The following ARHGEF26 variants were observed in gnomAD, a reference collection of about 807,000 sequenced individuals.
The protein encoded by ARHGEF26 is Rho guanine nucleotide exchange factor 26.
Under a neutral mutation model 89.4 loss-of-function variants are expected in ARHGEF26, and 59 were observed. That is an observed-to-expected ratio of 0.66 (90% CI 0.54 to 0.82). The LOEUF (loss-of-function observed/expected upper bound fraction) is 0.82, where lower values mean the gene tolerates loss of function less well. Among genes scored for constraint, ARHGEF26 ranks in the 40% least tolerant of loss-of-function variants. The pLI, the probability that ARHGEF26 is intolerant of heterozygous loss-of-function variation, is 0.00. For synonymous variants in ARHGEF26, 500 were observed against 428.4 expected, an observed-to-expected ratio of 1.17 and a Z score of -2.06; for missense variants, 1,234 against 1,085.6, an observed-to-expected ratio of 1.14 and a Z score of -1.92.
chr3:154,194,852 C>G (rs12330779), intron 9 of ARHGEF26, 134 bp downstream of exon 9: 3 of 713,682 alleles, frequency 4.2e-6, no homozygotes, highest in African/African-American at 1.8e-5. Context: ...TAGGTAGTTG[C>G]AAAACAAAAT....
At chr3:154,255,015 G>C (rs1718405420) in intron 14 of ARHGEF26, among the ~76,000 whole-genome samples, 191 bp downstream of exon 14, 1 of 152,010 alleles carries the variant, frequency 6.6e-6, no homozygotes, top group Non-Finnish European at 1.5e-5. Flanking sequence ...CAGTCCCTCA[G>C]TGACCCAGTT....
intron 11 of ARHGEF26, among the ~76,000 whole-genome samples, chr3:154,232,073 A>C (rs1716861114): frequency 6.6e-6 from 1 of 152,150 alleles, no homozygotes; most frequent in South Asian, 2.1e-4. Context: ...TACCCACTTA[A>C]GAAGCTGTGC....
rs754682447 is a variant in ARHGEF26, at chr3:154,194,675, C to T, written c.1802C>T (p.Pro601Leu). The T allele has an allele frequency of 5.6e-6, 9 of 1,612,574 alleles. No individual in the cohort carries two copies. Among genetic ancestry groups the T allele is most frequent in the Non-Finnish European group, 5.1e-6 (6 of 1,179,448 alleles). The change falls in exon 9 of 15, where the codon CCG (proline) becomes CTG (leucine). Residue 601 changes from proline to leucine, a missense_variant. Coordinates refer to ENST00000465093, the MANE Select transcript of ARHGEF26 (RefSeq NM_015595.4). Reference protein sequence around the residue: ...TICQKTPKDSPKYEVCKRALK... With the variant: ...TICQKTPKDSLKYEVCKRALK... Reference sequence around the variant, plus strand: ...TGTCAAAAAACACCTAAGGACTCTCCGAAGTATGAAGTCTGCAAAAGAGCC... The same window carrying T: ...TGTCAAAAAACACCTAAGGACTCTCTGAAGTATGAAGTCTGCAAAAGAGCC...
Position 154,152,835 on chromosome 3 carries a change from A to T in ARHGEF26, c.1390A>T (p.Met464Leu). 1 of 1,576,860 alleles carries T rather than the reference A, an allele frequency of 6.3e-7. No homozygotes were observed. Among genetic ancestry groups the T allele is most frequent in the Non-Finnish European group, 8.6e-7 (1 of 1,160,188 alleles). Residue 464 changes from methionine to leucine, a missense_variant, in exon 6 of 15, where the codon ATG becomes TTG. Physicochemically the swap from Met to Leu is conservative, Grantham distance 15. Transcript: ENST00000465093. ...YLLSLEILIR[M>L]FKNSKELSDT... ...ACTCAGCTTGGAGATCTTGATACGA[A>T]TGTTTAAAAATTCTAAAGAACTGAG...
intron 9 of ARHGEF26, among the ~76,000 whole-genome samples, chr3:154,205,769 C>T (rs868348571): frequency 2.6e-5 from 4 of 152,148 alleles, no homozygotes; most frequent in Admixed American, 6.5e-5. Context: ...CTAATAAGAA[C>T]TCTATGCCTT....
At position 154,122,102 on chromosome 3, in the gene ARHGEF26, C is replaced by T; in HGVS notation, c.110C>T (p.Pro37Leu). The change falls in exon 2 of 15, where the codon CCC (proline) becomes CTC (leucine). Residue 37 changes from proline to leucine, a missense_variant. Pro to Leu is a moderately conservative substitution (Grantham distance 98). Transcript: ENST00000465093. ...GTTCTGGGCCGGAGCAAGCCGAGGC[C>T]CCAGTCCTACCAGAGCCCCAACGGG... The part of the protein sequence containing the change: ...HQVLGRSKPR[P>L]QSYQSPNGLL... The T allele has an allele frequency of 1.9e-6, 3 of 1,610,800 alleles. No individual in the cohort carries two copies. The highest frequency in any genetic ancestry group is 1.1e-5 in the South Asian group (1 of 90,468).
Position 154,122,674 on chromosome 3 carries a change from C to T in ARHGEF26, c.682C>T (p.Leu228Phe). The change falls in exon 2 of 15, where the codon CTC becomes TTC. Residue 228 changes from leucine to phenylalanine, a missense_variant. Coordinates refer to ENST00000465093, the MANE Select transcript of ARHGEF26 (RefSeq NM_015595.4). ...GCTGCCCTCCCAGGAGAACGAGCTC[C>T]TCGAGAATCCTTCCGTGGTTTTGAG... ...QRLPSQENEL[L>F]ENPSVVLSTN... The T allele has an allele frequency of 6.2e-7, 1 of 1,613,870 alleles. No homozygotes were observed. The highest frequency in any genetic ancestry group is 1.1e-5 in the South Asian group (1 of 91,058).
chr3:154,255,770 T>C lies in ARHGEF26; in HGVS notation c.*297T>C. 3 of 1,171,100 alleles carry C rather than the reference T, an allele frequency of 2.6e-6. No homozygotes were observed. Among genetic ancestry groups the C allele is most frequent in the Non-Finnish European group, 3.2e-6 (3 of 949,164 alleles). The allele number at this position is 1,171,100 out of a possible 1,614,324, so 72.5% of individuals were successfully genotyped here. On this transcript the variant is annotated 3_prime_UTR_variant, in exon 15 of 15. Coordinates refer to ENST00000465093, the MANE Select transcript of ARHGEF26 (RefSeq NM_015595.4). ...CTCTGCTCCTCCTAGTTTCACCATG[T>C]TCTGGCAATAAAAAACACATATTAT...
intron 4 of ARHGEF26, among the ~76,000 whole-genome samples, chr3:154,134,825 T>A (rs1718907614): frequency 6.6e-6 from 1 of 152,114 alleles, no homozygotes; most frequent in South Asian, 2.1e-4. Context: ...CTTTTCTGCA[T>A]CTATTGAGAT....
chr3:154,157,425 G>T (rs1293972237), intron 6 of ARHGEF26, among the ~76,000 whole-genome samples: 1 of 152,142 alleles, frequency 6.6e-6, no homozygotes, highest in African/African-American at 2.4e-5. Context: ...GCAGATGTTC[G>T]TGAAGGCCAT....
At chr3:154,213,363 A>G (rs1242094305) in intron 9 of ARHGEF26, among the ~76,000 whole-genome samples, 1 of 152,086 alleles carries the variant, frequency 6.6e-6, no homozygotes, top group Non-Finnish European at 1.5e-5. Context: ...ACAGTAATAT[A>G]CTGAGGCTGC....
At chr3:154,253,248 G>A (rs951681273) in intron 13 of ARHGEF26, 65 bp downstream of exon 13, 1 of 1,583,812 alleles carries the variant, frequency 6.3e-7, no homozygotes, top group Non-Finnish European at 8.6e-7. Flanking sequence ...GCTGGACGCC[G>A]GGTTACTAAC....
chr3:154,240,462 A>T lies in ARHGEF26; in HGVS notation c.2183A>T (p.Lys728Met), dbSNP rs535967925. Reference protein sequence around the residue: ...DNEELNSSPGKNSSTMLYSRQ... With the variant: ...DNEELNSSPGMNSSTMLYSRQ... ...GAAGAGCTTAATTCTTCTCCAGGGAAGAACAGCTCCACAATGCTCTATTCA... is the reference window on the plus strand; with the variant it reads ...GAAGAGCTTAATTCTTCTCCAGGGATGAACAGCTCCACAATGCTCTATTCA... The change falls in exon 12 of 15, where the codon AAG becomes ATG. Residue 728 changes from lysine (K) to methionine (M), a missense_variant. Transcript: ENST00000465093. 3 of 1,613,532 alleles carry T rather than the reference A, an allele frequency of 1.9e-6. No individual in the cohort carries two copies. The South Asian group carries it at 3.3e-5, about 18-fold the overall frequency.
chr3:154,231,756 A>C (rs1351742186), intron 11 of ARHGEF26, among the ~76,000 whole-genome samples: 1 of 152,238 alleles, frequency 6.6e-6, no homozygotes, highest in East Asian at 1.9e-4. Flanking sequence ...GAACATGAGC[A>C]GTTTAGGAAT....
At chr3:154,160,229 ATTC>A (rs1294692488) in intron 6 of ARHGEF26, among the ~76,000 whole-genome samples, 2 of 152,170 alleles carry the variant, frequency 1.3e-5, no homozygotes, top group African/African-American at 4.8e-5. Context: ...CTACGTGAGT[ATTC>A]TAGTCCATGT....
chr3:154,166,412 A>G (rs1712041543), intron 6 of ARHGEF26, among the ~76,000 whole-genome samples: 1 of 152,118 alleles, frequency 6.6e-6, no homozygotes, highest in African/African-American at 2.4e-5. Context: ...TAACCTGAGG[A>G]TAGGAAGGTA....
chr3:154,187,236 T>G, intron 6 of ARHGEF26: 1 of 982,460 alleles, frequency 1.0e-6, no homozygotes, highest in Non-Finnish European at 1.2e-6. Context: ...TTTGCTCATG[T>G]ATTTTTCCAT....
rs772537950 is a variant in ARHGEF26 at position 154,122,087 on chromosome 3, G to A, written c.95G>A (p.Arg32Gln). The A allele has an allele frequency of 1.2e-6, 2 of 1,611,332 alleles. No homozygotes were observed. The highest frequency in any genetic ancestry group is 1.1e-5 in the South Asian group (1 of 90,600). ...CCTCAGCCCCACCAGGTTCTGGGCC[G>A]GAGCAAGCCGAGGCCCCAGTCCTAC... ...SIPQPHQVLG[R>Q]SKPRPQSYQS... Residue 32 changes from arginine to glutamine, a missense_variant, in exon 2 of 15, where the codon CGG becomes CAG. Transcript: ENST00000465093.
At position 154,128,561 on chromosome 3, in the gene ARHGEF26, CT is replaced by C. The variant is rs570139057; in HGVS notation, c.1124-1010del. Among the ~76,000 whole-genome samples the C allele has an allele frequency of 6.7e-3, 1,013 of 152,272 alleles. 6 individuals carry two copies. Among genetic ancestry groups the C allele is most frequent in the Non-Finnish European group, 9.6e-3 (651 of 68,006 alleles). On this transcript the variant is annotated intron_variant, in intron 3 of 14. Transcript: ENST00000465093. The stretch of plus-strand genomic sequence containing the variant: ...CCGGCCTCAACTCCCATCTTCTGTA[CT>C]TTCCCCCCATTTCCTTGTACTCCAG...
Sources: gnomAD v4.1 joint callset for allele counts (sites outside exome capture counted in the v4.1 genomes callset) on GRCh38, gnomAD v4.1.1 for gene constraint, MANE v1.5 for transcripts, NCBI Gene and HGNC (gene_info 2026-07-23, HGNC 2026-07-21) for gene names.